NPAS3: variants seen among roughly 807,000 people sequenced by gnomAD.
NPAS3 encodes neuronal PAS domain-containing protein 3.
A neutral mutation model predicts 73.1 loss-of-function variants in NPAS3; 14 were observed. That is an observed-to-expected ratio of 0.19 (90% CI 0.13 to 0.30). The LOEUF is 0.30. NPAS3 is among the 10% of genes least tolerant of loss of function. NPAS3 has a pLI of 1.00. For missense variants in NPAS3, 1,096 were observed against 1,250.0 expected (o/e 0.88, Z 1.86); for synonymous variants, 620 against 541.5 (o/e 1.14, Z -2.01).
intron 3 of NPAS3, among the ~76,000 whole-genome samples, chr14:33,308,300 A>G (rs1012341931): frequency 6.6e-6 from 1 of 152,036 alleles, no homozygotes; most frequent in African/African-American, 2.4e-5. Context: ...CCCACCCCCA[A>G]CAACAAAACC....
intron 5 of NPAS3, among the ~76,000 whole-genome samples, chr14:33,600,819 A>G (rs2057379000): frequency 6.6e-6 from 1 of 152,258 alleles, no homozygotes; most frequent in African/African-American, 2.4e-5. Context: ...TACACTTTAG[A>G]GTTAAACCAT....
chr14:33,354,471 A>G (rs2045239840), intron 3 of NPAS3, among the ~76,000 whole-genome samples: 1 of 152,024 alleles, frequency 6.6e-6, no homozygotes, highest in African/African-American at 2.4e-5. Context: ...CTGCCTCTTT[A>G]TAAATGCAGA....
intron 5 of NPAS3, among the ~76,000 whole-genome samples, chr14:33,637,687 T>G (rs931862677): frequency 6.6e-6 from 1 of 152,266 alleles, no homozygotes; most frequent in Non-Finnish European, 1.5e-5. Flanking sequence ...TTACCTTTTT[T>G]GTTTGCTGTT....
intron 3 of NPAS3, among the ~76,000 whole-genome samples, chr14:33,350,167 G>C (rs146905202): frequency 3.7e-4 from 56 of 152,242 alleles, no homozygotes; most frequent in African/African-American, 1.3e-3. Context: ...GACAGGGTCC[G>C]TTAAGTTTGA....
chr14:32,934,900 G>A, upstream of NPAS3: 1 of 952,476 alleles, frequency 1.0e-6, no homozygotes, highest in Non-Finnish European at 1.3e-6. The surrounding 1 kb of genome is among the most constrained non-coding windows in gnomAD (Gnocchi z 4.1). Flanking sequence ...GGCGGCCGGC[G>A]GGGCGGCCGC....
At chr14:33,056,773 A>G (rs979140754) in intron 2 of NPAS3, among the ~76,000 whole-genome samples, 5 of 152,252 alleles carry the variant, frequency 3.3e-5, no homozygotes, top group African/African-American at 1.2e-4. Flanking sequence ...TGCTTTCCAT[A>G]AAAGTTATGA....
chr14:32,986,048 C>G (rs1319880221), intron 1 of NPAS3, among the ~76,000 whole-genome samples: 1 of 152,182 alleles, frequency 6.6e-6, no homozygotes, highest in Non-Finnish European at 1.5e-5. Flanking sequence ...TGTGAGGATT[C>G]TGAACTCTCC....
intron 1 of NPAS3, among the ~76,000 whole-genome samples, chr14:32,953,104 C>CA (rs548082187): frequency 2.6e-4 from 33 of 125,558 alleles, no homozygotes; most frequent in African/African-American, 8.7e-4. Context: ...CAAACAACAA[C>CA]AAAAAACCCC....
intron 5 of NPAS3, among the ~76,000 whole-genome samples, chr14:33,623,703 T>G (rs530795032): frequency 1.3e-5 from 2 of 152,290 alleles, no homozygotes; most frequent in South Asian, 4.1e-4. Flanking sequence ...CAAGGCCTCC[T>G]CCCCACACAC....
chr14:33,074,085 G>T lies in NPAS3; in HGVS notation c.140+18091G>T, dbSNP rs189910577. Among the ~76,000 whole-genome samples the T allele has an allele frequency of 1.6e-3, 244 of 152,238 alleles. 1 individual carries two copies. Among genetic ancestry groups the T allele is most frequent in the African/African-American group, 5.5e-3 (229 of 41,554 alleles). On this transcript the variant is annotated intron_variant, in intron 2 of 11. Transcript: ENST00000356141. ...TGTGATTACCTACATGCTTCAACAG[G>T]ATTCAATCAGGAAATACTTTTTAAA... is the stretch of plus-strand genomic sequence containing the variant.
At chr14:33,751,605 A>G (rs2061964569) in intron 7 of NPAS3, among the ~76,000 whole-genome samples, 1 of 152,230 alleles carries the variant, frequency 6.6e-6, no homozygotes, top group African/African-American at 2.4e-5. Flanking sequence ...TGTATTTGGT[A>G]AAATATAAGC....
chr14:33,316,097 A>G (rs1594673650), intron 3 of NPAS3, among the ~76,000 whole-genome samples: 2 of 152,046 alleles, frequency 1.3e-5, no homozygotes, highest in East Asian at 3.9e-4. Context: ...ATTTTTCTCC[A>G]TTTTGTCTTT....
At chr14:33,453,921 C>A (rs1318158394) in intron 4 of NPAS3, among the ~76,000 whole-genome samples, 2 of 152,192 alleles carry the variant, frequency 1.3e-5, no homozygotes, top group African/African-American at 2.4e-5. Flanking sequence ...AACTCCTGAC[C>A]TCAAGTGATC....
intron 3 of NPAS3, among the ~76,000 whole-genome samples, chr14:33,305,166 G>A (rs1275797242): frequency 6.6e-6 from 1 of 152,010 alleles, no homozygotes; most frequent in Non-Finnish European, 1.5e-5. Flanking sequence ...AGTAGAGAGA[G>A]AGAGAGAATT....
intron 3 of NPAS3, among the ~76,000 whole-genome samples, chr14:33,362,527 T>A (rs1300476153): frequency 6.6e-6 from 1 of 152,152 alleles, no homozygotes; most frequent in African/African-American, 2.4e-5. Flanking sequence ...ATTCCATTCT[T>A]TCTCAGCCGC....
At chr14:33,715,739 A>C (rs149568770) in intron 6 of NPAS3, among the ~76,000 whole-genome samples, 1 of 152,172 alleles carries the variant, frequency 6.6e-6, no homozygotes, top group South Asian at 2.1e-4. Context: ...GTCCCCACCC[A>C]AATCTCATCT....
At chr14:33,108,287 G>A (rs952924604) in intron 2 of NPAS3, among the ~76,000 whole-genome samples, 3 of 148,364 alleles carry the variant, frequency 2.0e-5, no homozygotes, top group Non-Finnish European at 3.0e-5. Flanking sequence ...TCCACCTCCC[G>A]AGTTCAAGTG....
At chr14:33,104,751 G>C (rs111471134) in intron 2 of NPAS3, among the ~76,000 whole-genome samples, 35 of 152,264 alleles carry the variant, frequency 2.3e-4, no homozygotes, top group African/African-American at 8.2e-4. Context: ...AATATAGTGA[G>C]AGAAATAAAC....
chr14:33,399,496 C>T (rs1436278998), intron 4 of NPAS3, among the ~76,000 whole-genome samples: 5 of 152,096 alleles, frequency 3.3e-5, no homozygotes, highest in Non-Finnish European at 7.4e-5. Flanking sequence ...TCAGCACTTA[C>T]TCCCTCTGTA....
Sources: allele counts gnomAD v4.1 joint callset (sites outside exome capture counted in the v4.1 genomes callset), GRCh38; gene constraint gnomAD v4.1.1; non-coding constraint Gnocchi (gnomAD v3.1); transcripts MANE v1.5; gene names NCBI Gene and HGNC (gene_info 2026-07-23, HGNC 2026-07-21).